The following WDR11 variants were observed in gnomAD, a reference collection of about 807,000 sequenced individuals.
WDR11 encodes the protein WD repeat domain 11.
A neutral mutation model predicts 151.2 loss-of-function variants in WDR11; 83 were observed. That is an observed-to-expected ratio of 0.55 (90% CI 0.46 to 0.66). The LOEUF (loss-of-function observed/expected upper bound fraction) is 0.66. Ranked by LOEUF, WDR11 falls within the 30% of genes least tolerant of loss-of-function variation. The probability of loss-of-function intolerance (pLI) is 0.00; values close to 1 mark genes in which losing one functional copy is unlikely to be tolerated. For missense variants in WDR11, 1,301 were observed against 1,480.9 expected (o/e 0.88, Z 1.99); for synonymous variants, 484 against 533.1 (o/e 0.91, Z 1.27).
rs1044733519 is a variant in WDR11, at chr10:120,857,090, ATG to A, written c.199-1551_199-1550del. 4.5e-4 allele frequency among the ~76,000 whole-genome samples: 69 copies of A among 151,886 alleles called. 1 individual carries two copies. Among genetic ancestry groups the A allele is most frequent in the African/African-American group, 1.2e-3 (49 of 41,428 alleles). On this transcript the variant is annotated intron_variant, in intron 2 of 28. Transcript: ENST00000263461. ...AGCAAAGATTATCACATATATATAT[ATG>A]TATGTATTTTTTGCAAGACACATCA...
At chr10:120,876,545 C>T (rs1476237367) in intron 11 of WDR11, among the ~76,000 whole-genome samples, 1 of 152,156 alleles carries the variant, frequency 6.6e-6, no homozygotes, top group African/African-American at 2.4e-5. Flanking sequence ...TCTTCTGTTG[C>T]AGTGTCTGTA....
At chr10:120,852,274 T>C (rs1466108555) in intron 1 of WDR11, 2 of 445,210 alleles carry the variant, frequency 4.5e-6, no homozygotes, top group African/African-American at 2.0e-5. Context: ...CCTTTTTATG[T>C]CCTCGGGTCT....
chr10:120,874,896 T>C (rs955025279), intron 11 of WDR11, among the ~76,000 whole-genome samples: 4 of 152,074 alleles, frequency 2.6e-5, no homozygotes, highest in Admixed American at 6.6e-5. Context: ...TTGCTGCACC[T>C]GTCAACCCGT....
In WDR11 at chr10:120,907,165, G is replaced by C. The variant is rs531563969; in HGVS notation, c.3517+310G>C. ...GATGAAGGAATGATTTGGGAAACAG[G>C]TAGAAGGACCTGGTACTTTGAAATA... is the stretch of plus-strand genomic sequence containing the variant. On this transcript the variant is annotated intron_variant, in intron 28 of 28. Transcript: ENST00000263461. The C allele has an allele frequency of 1.1e-5, 4 of 368,406 alleles. No individual in the cohort carries two copies. In the East Asian group the frequency reaches 2.3e-4, roughly 21 times the overall value. The allele number at this position is 368,406 out of a possible 1,614,324, so 22.8% of individuals were successfully genotyped here.
At chr10:120,895,080 G>A (rs1847562291) in intron 19 of WDR11, among the ~76,000 whole-genome samples, 1 of 152,190 alleles carries the variant, frequency 6.6e-6, no homozygotes, top group Admixed American at 6.5e-5. Context: ...CTTGCATGAT[G>A]TAAACACTCG....
At chr10:120,895,699 TAAG>T (rs1475031575) in intron 19 of WDR11, among the ~76,000 whole-genome samples, 2 of 152,056 alleles carry the variant, frequency 1.3e-5, no homozygotes, top group Admixed American at 6.6e-5. Flanking sequence ...TTATTTATAA[TAAG>T]AAAAATATTT....
intron 17 of WDR11, chr10:120,889,594 A>G (rs1847349499): frequency 2.2e-6 from 1 of 444,748 alleles, no homozygotes; most frequent in Non-Finnish European, 4.1e-6. Context: ...GGCAAGAAGG[A>G]TCAGTAAACT....
At chr10:120,905,486 C>A (rs1848003498) in intron 26 of WDR11, 70 bp downstream of exon 26, 1 of 1,534,498 alleles carries the variant, frequency 6.5e-7, no homozygotes, top group Non-Finnish European at 9.0e-7. Context: ...GAACTTTGGA[C>A]TTATGACTTA....
chr10:120,876,288 C>CTT (rs1846785456), intron 11 of WDR11, among the ~76,000 whole-genome samples: 1 of 152,036 alleles, frequency 6.6e-6, no homozygotes, highest in Admixed American at 6.6e-5. Flanking sequence ...CCAGGTTAAC[C>CTT]TTTTAAGTAT....
chr10:120,872,727 G>C (rs1846590728), intron 10 of WDR11, among the ~76,000 whole-genome samples: 2 of 152,194 alleles, frequency 1.3e-5, no homozygotes, highest in South Asian at 4.1e-4. Context: ...TTATTATGAA[G>C]TTCTGTTAAT....
At chr10:120,874,227 G>GTTTTTT (rs201729401) in intron 11 of WDR11, among the ~76,000 whole-genome samples, 3 of 120,466 alleles carry the variant, frequency 2.5e-5, no homozygotes, top group South Asian at 2.7e-4. Context: ...GTTTTGTTTT[G>GTTTTTT]TTTTTTTTAA....
chr10:120,890,648 C>T, intron 18 of WDR11, 68 bp from the exon 19 acceptor site: 7 of 1,591,784 alleles, frequency 4.4e-6, no homozygotes, highest in Non-Finnish European at 6.0e-6. Context: ...CTTCCTTGAC[C>T]ATTTAATCTA....
At position 120,862,862 on chromosome 10, in the gene WDR11, C is replaced by T; in HGVS notation, c.654C>T (p.Ala218=). 6.2e-7 allele frequency: 1 copy of T among 1,614,068 alleles called. No homozygotes were observed. Among genetic ancestry groups the T allele is most frequent in the African/African-American group, 1.3e-5 (1 of 75,018 alleles). The change falls in exon 5 of 29, where the codon GCC becomes GCT. Residue 218 remains alanine, a synonymous_variant. Transcript: ENST00000263461. ...CAGCTCATAACAAGCTGGCCACAGC[C>T]ACAGGTGCCAAGAAAGCTCTAAATA... ...SSPAHNKLAT[A]TGAKKALNKV...
At chr10:120,905,123 T>C (rs759449421) in intron 25 of WDR11, among the ~76,000 whole-genome samples, 196 bp from the exon 26 acceptor site, 1 of 152,196 alleles carries the variant, frequency 6.6e-6, no homozygotes, top group Non-Finnish European at 1.5e-5. Context: ...CAGACTGTAT[T>C]GTGCTTCCTA....
intron 19 of WDR11, among the ~76,000 whole-genome samples, chr10:120,897,534 C>G (rs1359589178): frequency 6.6e-6 from 1 of 152,174 alleles, no homozygotes; most frequent in Admixed American, 6.5e-5. Context: ...CATGTTCCTT[C>G]TGATGCAATG....
rs202191723 is a variant in WDR11, at chr10:120,852,592, A to G, written c.155A>G (p.Gln52Arg). The G allele has an allele frequency of 3.7e-6, 6 of 1,614,080 alleles. No individual in the cohort carries two copies. The East Asian group carries it at 1.1e-4, about 30-fold the overall frequency. ...GTAGTGATTGATTCCATTACTGCCCAAACTCTTCAAGTTTTAGAAAAGCAT... is the reference window on the plus strand; with the variant it reads ...GTAGTGATTGATTCCATTACTGCCCGAACTCTTCAAGTTTTAGAAAAGCAT... ...LVVVIDSITA[Q>R]TLQVLEKHKA... Residue 52 changes from glutamine to arginine, a missense_variant, in exon 2 of 29, where the codon CAA becomes CGA. Coordinates refer to ENST00000263461, the MANE Select transcript of WDR11 (RefSeq NM_018117.12).
rs956354648 is a variant in WDR11 at position 120,890,077 on chromosome 10, A to C, written c.2343+68A>C. 3 of 1,116,940 alleles carry C rather than the reference A, an allele frequency of 2.7e-6. No individual in the cohort carries two copies. In the African/African-American group the frequency reaches 4.6e-5, roughly 17 times the overall value. The allele number at this position is 1,116,940 out of a possible 1,614,324, so 69.2% of individuals were successfully genotyped here. On this transcript the variant is annotated intron_variant, in intron 18 of 28. Transcript: ENST00000263461. The stretch of plus-strand genomic sequence containing the variant: ...CCATAGGAACTGTGCTTTGTTAAAA[A>C]ACTTCTTTCTGATTTAGAAATGAAA...
At chr10:120,886,921 A>G in intron 16 of WDR11, 85 bp downstream of exon 16, 1 of 1,466,654 alleles carries the variant, frequency 6.8e-7, no homozygotes. Context: ...TAAGTTGGAA[A>G]CTTCAGAAAA....
intron 2 of WDR11, among the ~76,000 whole-genome samples, chr10:120,855,838 G>A (rs1845926617): frequency 6.6e-6 from 1 of 152,072 alleles, no homozygotes; most frequent in Non-Finnish European, 1.5e-5. Flanking sequence ...GATAATCTGT[G>A]TGTCTTCTAT....
Sources: gnomAD v4.1 joint callset for allele counts (sites outside exome capture counted in the v4.1 genomes callset) on GRCh38, gnomAD v4.1.1 for gene constraint, MANE v1.5 for transcripts, NCBI Gene and HGNC (gene_info 2026-07-23, HGNC 2026-07-21) for gene names.